FGD5: variants seen among roughly 807,000 people sequenced by gnomAD.
The protein encoded by FGD5 is FYVE, RhoGEF and PH domain-containing protein 5.
FGD5 carries 28 observed loss-of-function variants against 133.4 expected under a neutral mutation model. That is an observed-to-expected ratio of 0.21 (90% CI 0.16 to 0.29). The LOEUF (loss-of-function observed/expected upper bound fraction) is 0.29. Among genes scored for constraint, FGD5 ranks in the 10% least tolerant of loss-of-function variants. The pLI is 1.00. For missense variants in FGD5, 1,858 were observed against 1,895.2 expected (o/e 0.98, Z 0.36); for synonymous variants, 810 against 776.5 (o/e 1.04, Z -0.72).
At chr3:14,861,685 T>A (rs1164888211) in intron 1 of FGD5, among the ~76,000 whole-genome samples, 2 of 152,242 alleles carry the variant, frequency 1.3e-5, no homozygotes, top group South Asian at 4.2e-4. Context: ...ACCCCCTGCT[T>A]GGCTTGAGGC....
chr3:14,902,521 G>A (rs781669504), intron 9 of FGD5, among the ~76,000 whole-genome samples: 25 of 152,130 alleles, frequency 1.6e-4, no homozygotes, highest in Non-Finnish European at 2.9e-4. Flanking sequence ...GGCTGGTGAA[G>A]GGTAGACTGA....
chr3:14,898,819 C>A lies in FGD5; in HGVS notation c.3147C>A (p.Leu1049=). The change falls in exon 7 of 20, where the codon CTC becomes CTA. Residue 1049 remains leucine, a synonymous_variant. Transcript: ENST00000285046. Reference sequence around the variant, plus strand: ...AACGCCTCTTCCAGTACCAAGTGCTCCTCACAGGTGGGCCCCACAGGAGAT... The same window carrying A: ...AACGCCTCTTCCAGTACCAAGTGCTACTCACAGGTGGGCCCCACAGGAGAT... The part of the protein sequence containing the change: ...VVQRLFQYQV[L]LTDYLNNLCP... 1 of 1,575,890 alleles carries A rather than the reference C, an allele frequency of 6.3e-7. No individual in the cohort carries two copies. Among genetic ancestry groups the A allele is most frequent in the Non-Finnish European group, 8.6e-7 (1 of 1,161,674 alleles).
intron 4 of FGD5, among the ~76,000 whole-genome samples, chr3:14,890,874 A>G (rs1464702636): frequency 1.3e-5 from 2 of 152,198 alleles, no homozygotes; most frequent in African/African-American, 4.8e-5. Flanking sequence ...AGCAGTTGTA[A>G]TCATCAGGAA....
rs749054617 is a variant in FGD5, at chr3:14,898,006, C to T, written c.2977C>T (p.His993Tyr). 6.2e-7 allele frequency: 1 copy of T among 1,613,842 alleles called. No individual in the cohort carries two copies. The highest frequency in any genetic ancestry group is 8.5e-7 in the Non-Finnish European group (1 of 1,179,892). ...REQGFDHHATHILQFDRYLGL... is the reference protein window; with the variant it reads ...REQGFDHHATYILQFDRYLGL... Reference sequence around the variant, plus strand: ...GCAGGGGTTTGATCACCACGCCACTCACATCCTGCAGTTCGACAGGTACCT... The same window carrying T: ...GCAGGGGTTTGATCACCACGCCACTTACATCCTGCAGTTCGACAGGTACCT... The change falls in exon 6 of 20, where the codon CAC (histidine) becomes TAC (tyrosine). Residue 993 changes from histidine (H) to tyrosine (Y), a missense_variant. This residue lies in a region of FGD5 where 1,824 missense variants were observed against 1,848.9 expected (regional missense o/e 0.99). Coordinates refer to ENST00000285046, the MANE Select transcript of FGD5 (RefSeq NM_152536.4).
At chr3:14,864,657 G>A (rs996902256) in intron 2 of FGD5, among the ~76,000 whole-genome samples, 1 of 152,208 alleles carries the variant, frequency 6.6e-6, no homozygotes, top group African/African-American at 2.4e-5. Flanking sequence ...GGCTATCAGG[G>A]AATTTTGTGA....
chr3:14,930,278 G>A (rs2038881065), intron 18 of FGD5, among the ~76,000 whole-genome samples: 1 of 152,170 alleles, frequency 6.6e-6, no homozygotes, highest in African/African-American at 2.4e-5. Context: ...GTCAGGTTGT[G>A]TAAGTCCTCC....
intron 16 of FGD5, among the ~76,000 whole-genome samples, chr3:14,923,766 C>T (rs1473815481): frequency 6.6e-6 from 1 of 152,208 alleles, no homozygotes; most frequent in African/African-American, 2.4e-5. Context: ...CAGCCCAGTC[C>T]CTGCTACCTG....
chr3:14,878,023 T>A (rs564941557), intron 2 of FGD5, among the ~76,000 whole-genome samples: 7 of 152,304 alleles, frequency 4.6e-5, no homozygotes, highest in African/African-American at 1.4e-4. Flanking sequence ...TTTGGGGTGT[T>A]CTTTAGGTCA....
intron 4 of FGD5, among the ~76,000 whole-genome samples, chr3:14,888,266 C>T (rs535977948): frequency 6.6e-6 from 1 of 152,182 alleles, no homozygotes; most frequent in Non-Finnish European, 1.5e-5. Context: ...ACATTAAGCA[C>T]AGTCTTGAAC....
At chr3:14,830,386 G>A (rs982959579) in intron 1 of FGD5, among the ~76,000 whole-genome samples, 1 of 152,114 alleles carries the variant, frequency 6.6e-6, no homozygotes, top group African/African-American at 2.4e-5. Flanking sequence ...AATTTACAGG[G>A]AAGGACCCTA....
At chr3:14,816,474 A>G (rs2036370838), upstream of FGD5, among the ~76,000 whole-genome samples, 1 of 152,132 alleles carries the variant, frequency 6.6e-6, no homozygotes, top group African/African-American at 2.4e-5. Flanking sequence ...AGCCCTTTTG[A>G]TATGTAGCCT....
intron 17 of FGD5, 102 bp downstream of exon 17, chr3:14,924,240 A>C: frequency 1.3e-6 from 2 of 1,553,262 alleles, no homozygotes; most frequent in Non-Finnish European, 1.8e-6. Flanking sequence ...CAGCCTGACC[A>C]GTCTCTTCCA....
intron 4 of FGD5, among the ~76,000 whole-genome samples, chr3:14,884,061 A>T (rs1689534): frequency 0.35 from 53,162 of 152,060 alleles, 9,835 homozygotes; most frequent in East Asian, 0.71. Context: ...AGGGATCAAG[A>T]AATGGATCCC....
intron 4 of FGD5, among the ~76,000 whole-genome samples, chr3:14,884,476 C>T (rs888315804): frequency 6.6e-6 from 1 of 152,200 alleles, no homozygotes; most frequent in Admixed American, 6.5e-5. Flanking sequence ...TCAGATACTG[C>T]GAATGCATTC....
chr3:14,910,098 AAAAAAT>A (rs1187622715), intron 10 of FGD5, among the ~76,000 whole-genome samples: 1 of 152,168 alleles, frequency 6.6e-6, no homozygotes, highest in African/African-American at 2.4e-5. Flanking sequence ...CAAATTTGCA[AAAAAAT>A]AAAAATAAAA....
intron 2 of FGD5, among the ~76,000 whole-genome samples, chr3:14,865,902 G>C (rs1011253346): frequency 1.3e-5 from 2 of 152,142 alleles, no homozygotes; most frequent in African/African-American, 4.8e-5. Flanking sequence ...TGAGTTAGTC[G>C]TGCCCATTTA....
In FGD5 at chr3:14,922,676, C is replaced by G; in HGVS notation, c.3807+128C>G. 7.7e-7 allele frequency: 1 copy of G among 1,292,242 alleles called. No homozygotes were observed. The highest frequency in any genetic ancestry group is 1.1e-6 in the Non-Finnish European group (1 of 950,790). 80.0% of individuals were successfully genotyped at this position (1,292,242 alleles called of 1,614,324 possible). On this transcript the variant is annotated intron_variant, in intron 15 of 19. Transcript: ENST00000285046. This position sits in a 1 kb window ranked among gnomAD's most constrained non-coding sequence, Gnocchi z 4.1. ...AGCCCCAGAGTGAGGCATGTTCACA[C>G]CAACCCGAGAGGAACAGATTGCTAA... is the stretch of plus-strand genomic sequence containing the variant.
intron 11 of FGD5, among the ~76,000 whole-genome samples, chr3:14,914,307 T>C (rs1166449779): frequency 6.6e-6 from 1 of 152,212 alleles, no homozygotes; most frequent in African/African-American, 2.4e-5. Context: ...CTGCGGAAAG[T>C]GTCTACCAGG....
chr3:14,925,773 A>G (rs1315469470), intron 17 of FGD5, among the ~76,000 whole-genome samples: 1 of 152,224 alleles, frequency 6.6e-6, no homozygotes, highest in Non-Finnish European at 1.5e-5. Flanking sequence ...AAGTACCTGA[A>G]CGAAGTTTCT....
Sources: gnomAD v4.1 joint callset for allele counts (sites outside exome capture counted in the v4.1 genomes callset) on GRCh38, gnomAD v4.1.1 for gene constraint, gnomAD v4.1.1 regional missense constraint, Gnocchi (gnomAD v3.1) non-coding constraint, MANE v1.5 for transcripts, NCBI Gene and HGNC (gene_info 2026-07-23, HGNC 2026-07-21) for gene names.